The following OTOP3 variants were observed in gnomAD, a reference collection of about 807,000 sequenced individuals.
The protein encoded by OTOP3 is proton channel OTOP3.
OTOP3 carries 41 observed loss-of-function variants against 50.8 expected under a neutral mutation model. The ratio of observed to expected loss-of-function variants is 0.81; its 90% CI spans 0.63 to 1.05. OTOP3 has a LOEUF of 1.05. Ranked by LOEUF, OTOP3 falls within the 50% of genes least tolerant of loss-of-function variation. The pLI is 0.00. For synonymous variants in OTOP3, 320 were observed against 324.4 expected (o/e 0.99, Z 0.14); for missense variants, 788 against 760.8 (o/e 1.04, Z -0.42).
At chr17:74,948,080 C>A (rs1405091799) in intron 6 of OTOP3, among the ~76,000 whole-genome samples, 1 of 152,082 alleles carries the variant, frequency 6.6e-6, no homozygotes, top group Non-Finnish European at 1.5e-5. Context: ...CTGGTCCAGG[C>A]AGAGAATAAA....
In OTOP3 at chr17:74,943,680, G is replaced by A. The variant is rs755209090; in HGVS notation, c.707G>A (p.Arg236Gln). Reference sequence around the variant, plus strand: ...GCCGTTACCAATGACTCCATGCACCGAGAGATCGAAGCTGAGCTTGGCATC... The same window carrying A: ...GCCGTTACCAATGACTCCATGCACCAAGAGATCGAAGCTGAGCTTGGCATC... The part of the protein sequence containing the change: ...VLAVTNDSMH[R>Q]EIEAELGILM... The change falls in exon 5 of 7, where the codon CGA becomes CAA. Residue 236 changes from arginine to glutamine, a missense_variant. Physicochemically the swap from Arg to Gln is conservative, Grantham distance 43. Coordinates refer to ENST00000328801, the MANE Select transcript of OTOP3 (RefSeq NM_001272005.2). 35 of 1,611,810 alleles carry A rather than the reference G, an allele frequency of 2.2e-5. No homozygotes were observed. The highest frequency in any genetic ancestry group is 1.6e-4 in the East Asian group (7 of 44,878).
At chr17:74,943,418 G>A (rs1001195486) in intron 4 of OTOP3, 74 bp downstream of exon 4, 76 of 1,529,278 alleles carry the variant, frequency 5.0e-5, no homozygotes, top group East Asian at 9.0e-5. Flanking sequence ...GGGTGGCCGC[G>A]GGGCTATAGG....
At chr17:74,935,808 C>G (rs1181466702), upstream of OTOP3, 1 of 1,514,372 alleles carries the variant, frequency 6.6e-7, no homozygotes, top group Admixed American at 2.1e-5. Flanking sequence ...ATCGATGGGC[C>G]GCGGAGCCCG....
intron 1 of OTOP3, among the ~76,000 whole-genome samples, chr17:74,937,467 G>C (rs2039130313): frequency 6.6e-6 from 1 of 152,184 alleles, no homozygotes; most frequent in South Asian, 2.1e-4. Context: ...GGCTGGAGGA[G>C]AGGGTGCAGG....
chr17:74,949,505 C>A lies in OTOP3; in HGVS notation c.*89C>A, dbSNP rs1442971856. On this transcript the variant is annotated 3_prime_UTR_variant, in exon 7 of 7. Transcript: ENST00000328801. ...TGAGCAGATGCCTCATTCTGAGGTG[C>A]CGAGACCAGCCTGAGGCTCTCAAGG... is the stretch of plus-strand genomic sequence containing the variant. 3 of 1,447,282 alleles carry A rather than the reference C, an allele frequency of 2.1e-6. No individual in the cohort carries two copies. Among genetic ancestry groups the A allele is most frequent in the East Asian group, 4.7e-5 (2 of 42,600 alleles). The allele number at this position is 1,447,282 out of a possible 1,614,324, so 89.7% of individuals were successfully genotyped here.
chr17:74,942,369 G>C (rs1313689990), intron 3 of OTOP3, among the ~76,000 whole-genome samples: 1 of 151,676 alleles, frequency 6.6e-6, no homozygotes, highest in Admixed American at 6.6e-5. Flanking sequence ...AGTGGCTCAC[G>C]CCTGTAATCC....
chr17:74,948,823 G>A (rs1289548836), intron 6 of OTOP3, among the ~76,000 whole-genome samples: 2 of 152,192 alleles, frequency 1.3e-5, no homozygotes, highest in Non-Finnish European at 2.9e-5. Context: ...GAGTGACAGA[G>A]TGAGACCTGT....
At chr17:74,942,663 G>A (rs931956928) in intron 3 of OTOP3, among the ~76,000 whole-genome samples, 5 of 150,406 alleles carry the variant, frequency 3.3e-5, no homozygotes, top group Non-Finnish European at 7.4e-5. Flanking sequence ...CAGGCGCGGT[G>A]GCTCACACCT....
chr17:74,947,585 TG>T, intron 6 of OTOP3, 110 bp downstream of exon 6: 1 of 1,112,486 alleles, frequency 9.0e-7, no homozygotes. Context: ...ACTAGCTTGA[TG>T]CTGCTTGAGA....
chr17:74,943,573 G>A (rs2039197640), intron 4 of OTOP3, 33 bp from the exon 5 acceptor site: 1 of 1,603,652 alleles, frequency 6.2e-7, no homozygotes, highest in African/African-American at 1.3e-5. Context: ...GAGCCGGCCA[G>A]GGTGTGTGAG....
chr17:74,937,974 G>A (rs1567948801), intron 1 of OTOP3, among the ~76,000 whole-genome samples: 1 of 152,208 alleles, frequency 6.6e-6, no homozygotes, highest in Non-Finnish European at 1.5e-5. Context: ...GGGATGGCAG[G>A]AGGCAGGAGA....
intron 6 of OTOP3, among the ~76,000 whole-genome samples, chr17:74,949,011 T>G (rs571769049): frequency 6.6e-6 from 1 of 152,320 alleles, no homozygotes; most frequent in African/African-American, 2.4e-5. Flanking sequence ...AAGTTCAGGC[T>G]GGCCACAGGC....
Position 74,946,955 on chromosome 17 carries a change from T to C in OTOP3, c.1046T>C (p.Ile349Thr). 3 of 1,613,430 alleles carry C rather than the reference T, an allele frequency of 1.9e-6. No individual in the cohort carries two copies. The highest frequency in any genetic ancestry group is 2.5e-6 in the Non-Finnish European group (3 of 1,180,010). Residue 349 changes from isoleucine to threonine, a missense_variant, in exon 6 of 7, where the codon ATT (isoleucine) becomes ACT (threonine). Physicochemically the swap from Ile to Thr is moderately conservative, Grantham distance 89. Transcript: ENST00000328801. ...LFQIEASGPAIACQYFTLYYA... is the reference protein window; with the variant it reads ...LFQIEASGPATACQYFTLYYA... ...CAAATCGAGGCCAGTGGCCCTGCCA[T>C]TGCTTGCCAGTACTTCACCCTCTAC...
Position 74,939,114 on chromosome 17 carries a change from C to T in OTOP3, c.20-2279C>T, listed in dbSNP as rs1259553663. On this transcript the variant is annotated intron_variant, in intron 1 of 6. Transcript: ENST00000328801. Reference sequence around the variant, plus strand: ...ACTTGAGCCCAGGAGTTCAAGATTGCAGTGAGCTATGATGGTGCCACTGCA... The same window carrying T: ...ACTTGAGCCCAGGAGTTCAAGATTGTAGTGAGCTATGATGGTGCCACTGCA... Among the ~76,000 whole-genome samples, 2 of 152,098 alleles carry T rather than the reference C, an allele frequency of 1.3e-5. 1 individual carries two copies. Among genetic ancestry groups the T allele is most frequent in the Non-Finnish European group, 2.9e-5 (2 of 68,024 alleles).
Position 74,946,763 on chromosome 17 carries a change from T to C in OTOP3, c.854T>C (p.Ile285Thr), listed in dbSNP as rs764341843. 28 of 1,613,034 alleles carry C rather than the reference T, an allele frequency of 1.7e-5. No individual in the cohort carries two copies. The highest frequency in any genetic ancestry group is 2.4e-5 in the Non-Finnish European group (28 of 1,180,036). ...CCCTTCAGCACTGAGTACTGCCTCA[T>C]CTGCTGTGCTGTGCTGTTTGTCATG... ...LYPFSTEYCL[I>T]CCAVLFVMWK... The change falls in exon 6 of 7, where the codon ATC becomes ACC. Residue 285 changes from isoleucine to threonine, a missense_variant. Coordinates refer to ENST00000328801, the MANE Select transcript of OTOP3 (RefSeq NM_001272005.2).
intron 6 of OTOP3, 94 bp from the exon 7 acceptor site, chr17:74,949,152 G>T: frequency 1.5e-6 from 2 of 1,336,580 alleles, no homozygotes; most frequent in Non-Finnish European, 2.1e-6. Flanking sequence ...GGGTGGCACT[G>T]GAGGGGCTGC....
intron 5 of OTOP3, 61 bp downstream of exon 5, chr17:74,943,785 C>CACAA: frequency 7.9e-7 from 1 of 1,263,908 alleles, no homozygotes; most frequent in Non-Finnish European, 1.1e-6. Context: ...CACACACACA[C>CACAA]ACACACACAT....
In OTOP3 at chr17:74,935,928, C is replaced by CAGG. The variant is rs1190615000; in HGVS notation, c.7_8insAGG (p.Leu3delinsGlnVal). On this transcript the variant is annotated protein_altering_variant, in exon 1 of 7. Coordinates refer to ENST00000328801, the MANE Select transcript of OTOP3 (RefSeq NM_001272005.2). ...CGGTGGTTAGCCCACGGCGATGCCT[C>CAGG]TCCCGGCCTCAGGTAAGCCCGGAGC... 1 of 1,544,968 alleles carries CAGG rather than the reference C, an allele frequency of 6.5e-7. No homozygotes were observed. The highest frequency in any genetic ancestry group is 2.4e-5 in the East Asian group (1 of 40,892).
rs764045600 is a variant in OTOP3 at position 74,949,359 on chromosome 17, G to T, written c.1680G>T (p.Gly560=). ...TCGTCAACTTCGGCCTGCCTCTGGG[G>T]GTCTTCTACCGCATGCACTCTGTGG... The part of the protein sequence containing the change: ...FAIVNFGLPL[G]VFYRMHSVGG... Residue 560 remains glycine (G), a synonymous_variant, in exon 7 of 7, where the codon GGG becomes GGT. Transcript: ENST00000328801. The T allele has an allele frequency of 9.9e-6, 16 of 1,614,042 alleles. No homozygotes were observed. The highest frequency in any genetic ancestry group is 1.2e-5 in the Non-Finnish European group (14 of 1,180,012).
Sources: allele counts gnomAD v4.1 joint callset (sites outside exome capture counted in the v4.1 genomes callset), GRCh38; gene constraint gnomAD v4.1.1; transcripts MANE v1.5; gene names NCBI Gene and HGNC (gene_info 2026-07-23, HGNC 2026-07-21).